The following MEI4 variants were observed in gnomAD, a reference collection of about 807,000 sequenced individuals.
MEI4 encodes meiotic double-stranded break formation protein 4, also known as meiosis-specific protein MEI4.
A neutral mutation model predicts 31.4 loss-of-function variants in MEI4; 27 were observed. That is an observed-to-expected ratio of 0.86 (90% confidence interval 0.63 to 1.19). The LOEUF is 1.19. Ranked by LOEUF, MEI4 falls within the 50% of genes most tolerant of loss-of-function variation. The pLI is 0.00. For synonymous variants in MEI4, 122 were observed against 145.4 expected (o/e 0.84, Z 1.16); for missense variants, 329 against 398.9 (o/e 0.82, Z 1.49).
intron 4 of MEI4, among the ~76,000 whole-genome samples, chr6:77,902,913 G>C (rs1356552339): frequency 1.3e-5 from 2 of 152,098 alleles, no homozygotes; most frequent in African/African-American, 4.8e-5. Context: ...CATGTCATCA[G>C]GAGCTCCTGA....
At chr6:77,661,192 G>T (rs565172463) in intron 1 of MEI4, among the ~76,000 whole-genome samples, 5 of 152,292 alleles carry the variant, frequency 3.3e-5, no homozygotes, top group Non-Finnish European at 7.4e-5. Context: ...GCTTGGTGAG[G>T]TGTGCCTTTA....
intron 1 of MEI4, among the ~76,000 whole-genome samples, chr6:77,658,523 A>G (rs555411690): frequency 1.4e-3 from 206 of 151,950 alleles, no homozygotes; most frequent in African/African-American, 4.1e-3. Context: ...GGCGGTGAAA[A>G]TTTTTTGGGG....
At chr6:77,718,666 C>T (rs1457217005) in intron 2 of MEI4, among the ~76,000 whole-genome samples, 110 of 132,522 alleles carry the variant, frequency 8.3e-4, no homozygotes, top group African/African-American at 1.3e-3. Flanking sequence ...TCCACACGCC[C>T]TCTCTTGCTC....
intron 4 of MEI4, among the ~76,000 whole-genome samples, chr6:77,913,329 C>T (rs1766471688): frequency 6.6e-6 from 1 of 152,106 alleles, no homozygotes; most frequent in Admixed American, 6.6e-5. Context: ...ATTCACTCCT[C>T]TTCAGTTGTT....
chr6:77,868,514 T>TATATATATATATATATATATAC (rs1398335273), intron 4 of MEI4, among the ~76,000 whole-genome samples: 8 of 129,680 alleles, frequency 6.2e-5, no homozygotes, highest in Non-Finnish European at 9.6e-5. Flanking sequence ...TATATATATA[T>TATATATATATATATATATATAC]ATATATATAT....
At chr6:77,666,733 GGTGAT>G (rs1375784346) in intron 1 of MEI4, among the ~76,000 whole-genome samples, 2 of 151,456 alleles carry the variant, frequency 1.3e-5, no homozygotes, top group Non-Finnish European at 2.9e-5. Context: ...GATTTTTTAT[GGTGAT>G]TTTTAGAATT....
chr6:77,650,412 C>A (rs1005089128), upstream of MEI4, among the ~76,000 whole-genome samples: 10 of 152,246 alleles, frequency 6.6e-5, no homozygotes, highest in East Asian at 5.8e-4. Context: ...TCACTTCCCC[C>A]ACGAGTGGAA....
At chr6:77,715,264 T>C (rs1263527400) in intron 2 of MEI4, among the ~76,000 whole-genome samples, 2 of 152,206 alleles carry the variant, frequency 1.3e-5, no homozygotes, top group African/African-American at 4.8e-5. Flanking sequence ...TAGTGAGTGA[T>C]GGATGAACGA....
intron 4 of MEI4, among the ~76,000 whole-genome samples, chr6:77,862,844 C>T (rs187188418): frequency 2.2e-4 from 33 of 152,250 alleles, no homozygotes; most frequent in African/African-American, 6.7e-4. Context: ...CAGACTGACA[C>T]GTCACATGGC....
At chr6:77,744,268 A>G (rs956826724) in intron 2 of MEI4, among the ~76,000 whole-genome samples, 9 of 152,122 alleles carry the variant, frequency 5.9e-5, no homozygotes, top group Admixed American at 3.9e-4. Flanking sequence ...ACAGAGAAGT[A>G]CTTAAAGGAG....
At chr6:77,732,302 C>A (rs1038178857) in intron 2 of MEI4, among the ~76,000 whole-genome samples, 6 of 151,876 alleles carry the variant, frequency 4.0e-5, no homozygotes, top group African/African-American at 1.2e-4. Context: ...CTTTTATTTC[C>A]TTGAGCAGTG....
chr6:77,829,190 G>A, intron 4 of MEI4, 128 bp downstream of exon 4: 3 of 696,322 alleles, frequency 4.3e-6, no homozygotes, highest in Non-Finnish European at 6.0e-6. Flanking sequence ...TCTAATATAT[G>A]TGAGTAATAT....
At chr6:77,805,271 GAATT>G (rs1283162712) in intron 3 of MEI4, among the ~76,000 whole-genome samples, 1 of 152,016 alleles carries the variant, frequency 6.6e-6, no homozygotes, top group Non-Finnish European at 1.5e-5. Context: ...CTTTGAATAT[GAATT>G]AATAGTATTC....
chr6:77,651,073 T>C (rs1335955098), upstream of MEI4, among the ~76,000 whole-genome samples: 2 of 152,134 alleles, frequency 1.3e-5, no homozygotes, highest in African/African-American at 2.4e-5. Context: ...TATAGATCCA[T>C]AGGAAGCATT....
intron 1 of MEI4, among the ~76,000 whole-genome samples, chr6:77,682,960 C>T (rs1768984750): frequency 6.6e-6 from 1 of 152,218 alleles, no homozygotes; most frequent in Non-Finnish European, 1.5e-5. Context: ...AGGCAGAATT[C>T]TCATTCCATG....
chr6:77,810,786 C>T (rs1211585021), intron 3 of MEI4, among the ~76,000 whole-genome samples: 2 of 152,096 alleles, frequency 1.3e-5, no homozygotes, highest in African/African-American at 2.4e-5. Context: ...ATGCATTTTT[C>T]AGGCATAAAA....
At chr6:77,758,484 G>T (rs1440637701) in intron 2 of MEI4, among the ~76,000 whole-genome samples, 1 of 152,192 alleles carries the variant, frequency 6.6e-6, no homozygotes, top group Non-Finnish European at 1.5e-5. Context: ...GGTGGAGAAT[G>T]TAGAAGATGT....
chr6:77,762,050 G>A (rs557618188), intron 3 of MEI4, among the ~76,000 whole-genome samples: 1 of 152,278 alleles, frequency 6.6e-6, no homozygotes, highest in African/African-American at 2.4e-5. Context: ...ACGTCTGTGA[G>A]TGTTAAATTC....
chr6:77,761,816 A>G (rs984115849), intron 3 of MEI4, among the ~76,000 whole-genome samples, 151 bp downstream of exon 3: 2 of 152,244 alleles, frequency 1.3e-5, no homozygotes, highest in East Asian at 1.9e-4. Flanking sequence ...CTTATCTGTC[A>G]TGATGTCTCC....
Sources: allele counts gnomAD v4.1 joint callset (sites outside exome capture counted in the v4.1 genomes callset), GRCh38; gene constraint gnomAD v4.1.1; transcripts MANE v1.5; gene names NCBI Gene and HGNC (gene_info 2026-07-23, HGNC 2026-07-21).